The following GCA variants were observed in gnomAD, a reference collection of about 807,000 sequenced individuals.
The protein encoded by GCA is grancalcin.
GCA carries 30 observed loss-of-function variants against 32.6 expected under a neutral mutation model. That is an observed-to-expected ratio of 0.92 (90% CI 0.69 to 1.25). The LOEUF (loss-of-function observed/expected upper bound fraction) is 1.25. GCA is among the 50% of genes most tolerant of loss of function. The probability of loss-of-function intolerance (pLI) is 0.00; values close to 1 mark genes in which losing one functional copy is unlikely to be tolerated. For synonymous variants in GCA, 102 were observed against 84.6 expected (o/e 1.21, Z -1.13); for missense variants, 291 against 266.8 (o/e 1.09, Z -0.63).
chr2:162,327,665 G>C (rs1197797967), intron 1 of GCA, among the ~76,000 whole-genome samples: 4 of 152,184 alleles, frequency 2.6e-5, no homozygotes, highest in Non-Finnish European at 5.9e-5. Context: ...GAGCTGAGAG[G>C]GGAAAGGGTA....
At chr2:162,340,691 G>C (rs567723796), upstream of GCA, among the ~76,000 whole-genome samples, 1 of 152,080 alleles carries the variant, frequency 6.6e-6, no homozygotes, top group African/African-American at 2.4e-5. Flanking sequence ...CAATGTCCCC[G>C]CTTCTGCAAC....
Position 162,347,573 on chromosome 2 carries a change from T to C in GCA, c.28-5T>C. 1 of 1,592,652 alleles carries C rather than the reference T, an allele frequency of 6.3e-7. No homozygotes were observed. Among genetic ancestry groups the C allele is most frequent in the African/African-American group, 1.3e-5 (1 of 74,486 alleles). ...TACTAACCTTCTCCCCTTTCACTAT[T>C]ATAGTTTGGAAATTTTAGCATTCAG... On this transcript the variant is annotated splice_region_variant and splice_polypyrimidine_tract_variant and intron_variant, in intron 1 of 7. Transcript: ENST00000437150.
intron 5 of GCA, 154 bp downstream of exon 5, chr2:162,357,059 C>T (rs952463826): frequency 4.3e-5 from 22 of 506,842 alleles, no homozygotes; most frequent in African/African-American, 3.8e-4. Flanking sequence ...TAAATTCTGA[C>T]CAAAGACCTC....
chr2:162,355,488 TAAC>T (rs1343276792), intron 3 of GCA, among the ~76,000 whole-genome samples: 1 of 152,158 alleles, frequency 6.6e-6, no homozygotes, highest in Non-Finnish European at 1.5e-5. Context: ...TCATTCATAT[TAAC>T]AAGCTGCTAT....
chr2:162,356,192 T>C lies in GCA; in HGVS notation c.263-246T>C, dbSNP rs112757705. Among the ~76,000 whole-genome samples, 7 of 152,216 alleles carry C rather than the reference T, an allele frequency of 4.6e-5. 1 individual carries two copies. The highest frequency in any genetic ancestry group is 1.4e-4 in the African/African-American group (6 of 41,572). On this transcript the variant is annotated intron_variant, in intron 3 of 7. Coordinates refer to ENST00000437150, the MANE Select transcript of GCA (RefSeq NM_012198.5). ...CATACCTGGAATGTCTTTGTCACAG[T>C]AATTTTCAGTTAGTTTGTAATTGCT... is the stretch of plus-strand genomic sequence containing the variant.
intron 3 of GCA, among the ~76,000 whole-genome samples, chr2:162,354,514 A>G (rs1175631404): frequency 1.3e-5 from 2 of 152,202 alleles, no homozygotes; most frequent in Admixed American, 1.3e-4. Flanking sequence ...TAGGTGTAGC[A>G]TCCATCCAAC....
intron 1 of GCA, among the ~76,000 whole-genome samples, chr2:162,326,564 T>C (rs1315313317): frequency 6.6e-6 from 1 of 152,180 alleles, no homozygotes; most frequent in African/African-American, 2.4e-5. Flanking sequence ...TCACCCAGGC[T>C]GGAGTGCAAT....
chr2:162,346,389 G>A (rs756386612), intron 1 of GCA, among the ~76,000 whole-genome samples: 17 of 152,152 alleles, frequency 1.1e-4, no homozygotes, highest in African/African-American at 3.9e-4. Flanking sequence ...TGAGAACCTG[G>A]TGGTCAGATT....
rs148185619 is a variant in GCA, at chr2:162,362,665, CAT to C, written c.*2433_*2434del. ...GTTTTGTATCATACAAAATCTGTTACATATATATATATTATGAGATGCTTCAG... is the reference window on the plus strand; with the variant it reads ...GTTTTGTATCATACAAAATCTGTTACATATATATATTATGAGATGCTTCAG... On this transcript the variant is annotated 3_prime_UTR_variant, in exon 8 of 8. Coordinates refer to ENST00000437150, the MANE Select transcript of GCA (RefSeq NM_012198.5). 477 of 595,998 alleles carry C rather than the reference CAT, an allele frequency of 8.0e-4. No homozygotes were observed. The highest frequency in any genetic ancestry group is 4.5e-3 in the African/African-American group (226 of 49,832). The allele number at this position is 595,998 out of a possible 1,614,324, so 36.9% of individuals were successfully genotyped here. A position where few individuals can be genotyped will look rare whatever the true frequency, so the allele number is the denominator to read the frequency against.
downstream of GCA, among the ~76,000 whole-genome samples, chr2:162,365,246 A>G (rs892247589): frequency 1.3e-5 from 2 of 151,536 alleles, no homozygotes; most frequent in Non-Finnish European, 3.0e-5. Flanking sequence ...TTCTTAAATT[A>G]TGTATATATA....
downstream of GCA, among the ~76,000 whole-genome samples, chr2:162,374,713 C>CT (rs111341300): frequency 4.5e-4 from 67 of 148,740 alleles, no homozygotes; most frequent in African/African-American, 8.8e-4. Context: ...AAAATATCTT[C>CT]TTTTTTTTTT....
At chr2:162,328,751 G>C (rs973336169) in intron 1 of GCA, among the ~76,000 whole-genome samples, 6 of 152,176 alleles carry the variant, frequency 3.9e-5, no homozygotes, top group Non-Finnish European at 8.8e-5. Context: ...AAGGACAGAG[G>C]GCTTTCTGTA....
chr2:162,349,944 G>C (rs943653307), intron 2 of GCA, among the ~76,000 whole-genome samples: 1 of 152,224 alleles, frequency 6.6e-6, no homozygotes, highest in East Asian at 1.9e-4. Flanking sequence ...GTGTTCACTA[G>C]GTCTAATGTG....
downstream of GCA, chr2:162,372,030 C>A (rs377226541): frequency 2.5e-6 from 4 of 1,612,202 alleles, no homozygotes; most frequent in Non-Finnish European, 3.4e-6. Flanking sequence ...TGTTCAGATG[C>A]ACCCCACTTG....
intron 4 of GCA, among the ~76,000 whole-genome samples, chr2:162,368,402 TAAC>T (rs2105372532): frequency 6.6e-6 from 1 of 152,128 alleles, no homozygotes; most frequent in African/African-American, 2.4e-5. Flanking sequence ...TCATTTCTAA[TAAC>T]ATCTACAGAA....
chr2:162,324,388 T>G (rs1351685600), intron 1 of GCA, among the ~76,000 whole-genome samples: 1 of 152,162 alleles, frequency 6.6e-6, no homozygotes, highest in African/African-American at 2.4e-5. Flanking sequence ...ATCAGGCCAC[T>G]CAGCGGCCTG....
intron 1 of GCA, among the ~76,000 whole-genome samples, chr2:162,346,218 A>G (rs1684698485): frequency 6.6e-6 from 1 of 151,168 alleles, no homozygotes; most frequent in Non-Finnish European, 1.5e-5. Flanking sequence ...TTTCAATAAT[A>G]AAAAAACATT....
Position 162,359,083 on chromosome 2 carries a change from A to G in GCA, c.494A>G (p.Lys165Arg). 2 of 1,603,832 alleles carry G rather than the reference A, an allele frequency of 1.2e-6. 1 individual carries two copies. Among genetic ancestry groups the G allele is most frequent in the South Asian group, 2.2e-5 (2 of 90,522 alleles). Residue 165 changes from lysine to arginine, a missense_variant, in exon 6 of 8, where the codon AAA becomes AGA. Lys to Arg is a conservative substitution (Grantham distance 26, BLOSUM62 2). Transcript: ENST00000437150. Reference sequence around the variant, plus strand: ...CCTCAAACATTAACTACTATTGTTAAACGTTATAGCAAGAATGGCAGAATT... The same window carrying G: ...CCTCAAACATTAACTACTATTGTTAGACGTTATAGCAAGAATGGCAGAATT... ...LSPQTLTTIV[K>R]RYSKNGRIFF...
intron 4 of GCA, among the ~76,000 whole-genome samples, chr2:162,369,061 A>G (rs1685842247): frequency 6.6e-6 from 1 of 152,062 alleles, no homozygotes; most frequent in African/African-American, 2.4e-5. Flanking sequence ...AAAAGGTGTT[A>G]TATTACTGCT....
Sources: allele counts gnomAD v4.1 joint callset (sites outside exome capture counted in the v4.1 genomes callset), GRCh38; gene constraint gnomAD v4.1.1; transcripts MANE v1.5; gene names NCBI Gene and HGNC (gene_info 2026-07-23, HGNC 2026-07-21).